The following DCST1 variants were observed in gnomAD, a reference collection of about 807,000 sequenced individuals.
DCST1 encodes DC-STAMP domain containing 1.
A neutral mutation model predicts 89.1 loss-of-function variants in DCST1; 78 were observed. That is an observed-to-expected ratio of 0.88 (90% CI 0.73 to 1.06). The LOEUF (loss-of-function observed/expected upper bound fraction) is 1.06. Among genes scored for constraint, DCST1 ranks in the 50% least tolerant of loss-of-function variants. DCST1 has a pLI of 0.00. For missense variants in DCST1, 900 were observed against 928.6 expected, an observed-to-expected ratio of 0.97 and a Z score of 0.40; for synonymous variants, 364 against 371.9, an observed-to-expected ratio of 0.98 and a Z score of 0.24.
At chr1:155,049,254 A>G in intron 16 of DCST1, 3 of 575,496 alleles carry the variant, frequency 5.2e-6, no homozygotes, top group African/African-American at 1.9e-5. Context: ...TAAGGATTAA[A>G]TGAGTTGTAC....
intron 4 of DCST1, among the ~76,000 whole-genome samples, chr1:155,037,848 G>C (rs570043018): frequency 6.2e-4 from 94 of 152,366 alleles, no homozygotes; most frequent in African/African-American, 2.1e-3. Flanking sequence ...GCTCTCATTA[G>C]AACATAGGGC....
intron 13 of DCST1, among the ~76,000 whole-genome samples, chr1:155,046,927 C>T (rs1425539698): frequency 1.3e-5 from 2 of 152,048 alleles, no homozygotes; most frequent in African/African-American, 4.8e-5. Flanking sequence ...GTTCTTTTCC[C>T]CTTTCTGTGA....
chr1:155,039,441 C>G lies in DCST1; in HGVS notation c.301C>G (p.Arg101Gly). Residue 101 changes from arginine (R) to glycine (G), a missense_variant, in exon 5 of 17, where the codon CGC (arginine) becomes GGC (glycine). Physicochemically the swap from Arg to Gly is moderately radical, Grantham distance 125. Transcript: ENST00000295542. Reference sequence around the variant, plus strand: ...GGGCTGGGGGACCTCCCCTCACATCCGCTGTGCCAGCCTCCTACTAGTACC... The same window carrying G: ...GGGCTGGGGGACCTCCCCTCACATCGGCTGTGCCAGCCTCCTACTAGTACC... ...AMGWGTSPHIRCASLLLVPKM... is the reference protein window; with the variant it reads ...AMGWGTSPHIGCASLLLVPKM... 3.1e-6 allele frequency: 5 copies of G among 1,598,346 alleles called. No individual in the cohort carries two copies. Among genetic ancestry groups the G allele is most frequent in the Non-Finnish European group, 4.3e-6 (5 of 1,172,206 alleles).
Position 155,043,398 on chromosome 1 carries a change from G to A in DCST1, c.1061G>A (p.Arg354His), listed in dbSNP as rs757559044. ...GVLGLNTSWE[R>H]VSTEVRDYVY... The stretch of plus-strand genomic sequence containing the variant: ...CTGGGGCTCAACACAAGCTGGGAGC[G>A]CGTGAGCACCGAGGTGCGGGACTAC... Residue 354 changes from arginine (R) to histidine (H), a missense_variant, in exon 10 of 17, where the codon CGC becomes CAC. By Grantham distance (29) the Arg-to-His change is conservative. Coordinates refer to ENST00000295542, the MANE Select transcript of DCST1 (RefSeq NM_152494.4). The A allele has an allele frequency of 1.2e-5, 19 of 1,613,882 alleles. No individual in the cohort carries two copies. In the Middle Eastern group the frequency reaches 9.9e-4, roughly 84 times the overall value.
At chr1:155,050,403 C>T (rs889879030) in intron 16 of DCST1, among the ~76,000 whole-genome samples, 1 of 152,236 alleles carries the variant, frequency 6.6e-6, no homozygotes, top group African/African-American at 2.4e-5. Context: ...CTGATATCCG[C>T]TTGGAGAGAG....
chr1:155,050,865 G>A lies in DCST1; in HGVS notation c.2118G>A (p.Gly706=). 1 of 1,608,474 alleles carries A rather than the reference G, an allele frequency of 6.2e-7. No individual in the cohort carries two copies. The change falls in exon 17 of 17, where the codon GGG becomes GGA. Residue 706 remains glycine (G), a synonymous_variant. Coordinates refer to ENST00000295542, the MANE Select transcript of DCST1 (RefSeq NM_152494.4). ...SDSNDDTAYA[G] is the part of the protein sequence containing the mutation. Reference sequence around the variant, plus strand: ...GCAACGACGACACTGCCTACGCGGGGTGAAGAGGCGTCCTGCTCGCTCTTC... The same window carrying A: ...GCAACGACGACACTGCCTACGCGGGATGAAGAGGCGTCCTGCTCGCTCTTC...
chr1:155,039,428 C>T lies in DCST1; in HGVS notation c.288C>T (p.Thr96=). The part of the protein sequence containing the change: ...LVGLGAMGWG[T]SPHIRCASLL... ...GCTTGGGGGCCATGGGCTGGGGGACCTCCCCTCACATCCGCTGTGCCAGCC... is the reference window on the plus strand; with the variant it reads ...GCTTGGGGGCCATGGGCTGGGGGACTTCCCCTCACATCCGCTGTGCCAGCC... Residue 96 remains threonine, a synonymous_variant, in exon 5 of 17, where the codon ACC becomes ACT. Coordinates refer to ENST00000295542, the MANE Select transcript of DCST1 (RefSeq NM_152494.4). The T allele has an allele frequency of 1.3e-6, 2 of 1,595,094 alleles. No homozygotes were observed. The highest frequency in any genetic ancestry group is 1.1e-5 in the South Asian group (1 of 87,624).
chr1:155,050,845 G>A lies in DCST1; in HGVS notation c.2098G>A (p.Asp700Asn), dbSNP rs1367974171. 1.2e-6 allele frequency: 2 copies of A among 1,611,972 alleles called. No individual in the cohort carries two copies. The highest frequency in any genetic ancestry group is 1.3e-5 in the African/African-American group (1 of 74,910). Residue 700 changes from aspartate (D) to asparagine (N), a missense_variant, in exon 17 of 17, where the codon GAC (aspartate) becomes AAC (asparagine). Transcript: ENST00000295542. Reference protein sequence around the residue: ...LSSSAFSDSNDDTAYAG With the variant: ...LSSSAFSDSNNDTAYAG ...TTCCTCCGCCTTTAGTGACAGCAAC[G>A]ACGACACTGCCTACGCGGGGTGAAG...
chr1:155,038,219 G>C (rs1469996232), intron 4 of DCST1, among the ~76,000 whole-genome samples: 1 of 152,228 alleles, frequency 6.6e-6, no homozygotes, highest in Non-Finnish European at 1.5e-5. Flanking sequence ...GCAGCAACGA[G>C]GTCTGTGTGG....
chr1:155,046,235 G>C lies in DCST1; in HGVS notation c.1368+15G>C, dbSNP rs1363617207. On this transcript the variant is annotated intron_variant, in intron 12 of 16. Transcript: ENST00000295542. ...TGAGCAATGTGGTGAGGACAGCATGGGGAGCGGACTCCTGGGTGCAAAGAC... is the reference window on the plus strand; with the variant it reads ...TGAGCAATGTGGTGAGGACAGCATGCGGAGCGGACTCCTGGGTGCAAAGAC... The C allele has an allele frequency of 1.9e-6, 3 of 1,614,066 alleles. No individual in the cohort carries two copies. The African/African-American group carries it at 4.0e-5, about 22-fold the overall frequency.
rs755814237 is a variant in DCST1, at chr1:155,048,070, G to C, written c.1769G>C (p.Arg590Pro). The C allele has an allele frequency of 6.2e-7, 1 of 1,613,878 alleles. No individual in the cohort carries two copies. Among genetic ancestry groups the C allele is most frequent in the South Asian group, 1.1e-5 (1 of 91,044 alleles). ...AFYFPKREKK[R>P]ILFLYNDLLK... Reference sequence around the variant, plus strand: ...TCCTGCCCCCAGCGAGAGAAGAAGCGGATCCTGTTCCTCTACAATGACCTA... The same window carrying C: ...TCCTGCCCCCAGCGAGAGAAGAAGCCGATCCTGTTCCTCTACAATGACCTA... The change falls in exon 16 of 17, where the codon CGG (arginine) becomes CCG (proline). Residue 590 changes from arginine to proline, a missense_variant. Transcript: ENST00000295542.
chr1:155,035,096 C>A (rs1346514788), intron 4 of DCST1: 1 of 244,238 alleles, frequency 4.1e-6, no homozygotes, highest in African/African-American at 2.2e-5. Context: ...TACTGAGAAT[C>A]TGCTGAGGAT....
At position 155,043,416 on chromosome 1, in the gene DCST1, G is replaced by C. The variant is rs140230658; in HGVS notation, c.1079G>C (p.Arg360Pro). 1.2e-6 allele frequency: 2 copies of C among 1,611,442 alleles called. No individual in the cohort carries two copies. The highest frequency in any genetic ancestry group is 1.7e-6 in the Non-Finnish European group (2 of 1,178,368). ...TGGGAGCGCGTGAGCACCGAGGTGCGGGACTACGTGTACCGCCAGGAGGCC... is the reference window on the plus strand; with the variant it reads ...TGGGAGCGCGTGAGCACCGAGGTGCCGGACTACGTGTACCGCCAGGAGGCC... Reference protein sequence around the residue: ...TSWERVSTEVRDYVYRQEARL... With the variant: ...TSWERVSTEVPDYVYRQEARL... The change falls in exon 10 of 17, where the codon CGG becomes CCG. Residue 360 changes from arginine (R) to proline (P), a missense_variant. Coordinates refer to ENST00000295542, the MANE Select transcript of DCST1 (RefSeq NM_152494.4).
chr1:155,046,265 C>G, intron 12 of DCST1, 45 bp downstream of exon 12: 1 of 1,614,086 alleles, frequency 6.2e-7, no homozygotes, highest in Non-Finnish European at 8.5e-7. Flanking sequence ...AAAGACAGGC[C>G]TGAAGGTGAG....
At chr1:155,041,908 C>A (rs1321198608) in intron 8 of DCST1, 51 bp downstream of exon 8, 22 of 1,606,074 alleles carry the variant, frequency 1.4e-5, no homozygotes, top group Non-Finnish European at 1.8e-5. Context: ...GAGCTGAGTC[C>A]TTGGGACCCA....
chr1:155,037,438 C>CTTTTTT (rs781136167), intron 4 of DCST1, among the ~76,000 whole-genome samples: 1 of 125,816 alleles, frequency 7.9e-6, no homozygotes, highest in Non-Finnish European at 1.7e-5. Context: ...CATTGTTGGT[C>CTTTTTT]TTTTTTTTTT....
intron 6 of DCST1, among the ~76,000 whole-genome samples, chr1:155,041,190 C>G (rs1660426193): frequency 6.6e-6 from 1 of 152,050 alleles, no homozygotes; most frequent in African/African-American, 2.4e-5. Flanking sequence ...GGACATGTGG[C>G]ATCAGACAAG....
Position 155,034,074 on chromosome 1 carries a change from A to C in DCST1, c.38A>C (p.Gln13Pro), listed in dbSNP as rs1306312582. 1 of 1,614,150 alleles carries C rather than the reference A, an allele frequency of 6.2e-7. No homozygotes were observed. Among genetic ancestry groups the C allele is most frequent in the Admixed American group, 1.7e-5 (1 of 60,014 alleles). Reference protein sequence around the residue: ...IKHHQNGTRGQRRKQPHTTVQ... With the variant: ...IKHHQNGTRGPRRKQPHTTVQ... ...CATCATCAGAATGGCACAAGAGGGCAAAGAAGAAAACAGCCTCATACCAGT... is the reference window on the plus strand; with the variant it reads ...CATCATCAGAATGGCACAAGAGGGCCAAGAAGAAAACAGCCTCATACCAGT... Residue 13 changes from glutamine (Q) to proline (P), a missense_variant, in exon 2 of 17, where the codon CAA (glutamine) becomes CCA (proline). By Grantham distance (76) the Gln-to-Pro change is moderately conservative (BLOSUM62 -1). Coordinates refer to ENST00000295542, the MANE Select transcript of DCST1 (RefSeq NM_152494.4).
In DCST1 at chr1:155,036,344, G is replaced by C. The variant is rs1660278552; in HGVS notation, c.262+1617G>C. Among the ~76,000 whole-genome samples the C allele has an allele frequency of 1.3e-5, 2 of 152,124 alleles. 1 individual carries two copies. The highest frequency in any genetic ancestry group is 2.9e-5 in the Non-Finnish European group (2 of 68,044). On this transcript the variant is annotated intron_variant, in intron 4 of 16. Coordinates refer to ENST00000295542, the MANE Select transcript of DCST1 (RefSeq NM_152494.4). ...TGATAACCTTTCACACAGCCCCTTA[G>C]ATTTCTGGTTGTATTTCTTTAGAAG...
Sources: allele counts gnomAD v4.1 joint callset (sites outside exome capture counted in the v4.1 genomes callset), GRCh38; gene constraint gnomAD v4.1.1; transcripts MANE v1.5; gene names NCBI Gene and HGNC (gene_info 2026-07-23, HGNC 2026-07-21).